JAK1: variants seen among roughly 807,000 people sequenced by gnomAD.
JAK1 encodes Janus kinase 1.
Under a neutral mutation model 136.6 loss-of-function variants are expected in JAK1, and 16 were observed. That is an observed-to-expected ratio of 0.12 (90% CI 0.08 to 0.18). The LOEUF is 0.18. Among genes scored for constraint, JAK1 ranks in the 10% least tolerant of loss-of-function variants. JAK1 has a pLI of 1.00. For synonymous variants in JAK1, 492 were observed against 519.5 expected, an observed-to-expected ratio of 0.95 and a Z score of 0.72; for missense variants, 859 against 1,450.1, an observed-to-expected ratio of 0.59 and a Z score of 6.62.
At chr1:64,941,315 G>GA (rs533407891) in intron 1 of JAK1, among the ~76,000 whole-genome samples, 1,883 of 149,298 alleles carry the variant, frequency 0.013, 15 homozygotes, top group Non-Finnish European at 0.018. Context: ...CCACATCTGG[G>GA]AAAAAAAAAA....
At chr1:64,851,199 T>C (rs1655569461) in intron 11 of JAK1, among the ~76,000 whole-genome samples, 1 of 152,222 alleles carries the variant, frequency 6.6e-6, no homozygotes, top group Non-Finnish European at 1.5e-5. Flanking sequence ...AGATCTGTTC[T>C]GGTAAGAAAG....
chr1:65,045,890 C>T (rs1405417536), intron 1 of JAK1, among the ~76,000 whole-genome samples: 2 of 152,232 alleles, frequency 1.3e-5, no homozygotes, highest in Non-Finnish European at 2.9e-5. Context: ...AACATAGCTT[C>T]AGATCCAAGC....
intron 2 of JAK1, among the ~76,000 whole-genome samples, chr1:64,986,548 AC>A (rs1369193471): frequency 6.6e-6 from 1 of 152,082 alleles, no homozygotes; most frequent in Non-Finnish European, 1.5e-5. Context: ...TAAAACTCTC[AC>A]CATTACAGCA....
intron 1 of JAK1, among the ~76,000 whole-genome samples, chr1:64,897,182 C>A (rs1001844651): frequency 6.6e-6 from 1 of 151,736 alleles, no homozygotes; most frequent in Admixed American, 6.6e-5. Flanking sequence ...GCAATCTCAG[C>A]CCTTTGGAAG....
At chr1:64,857,195 C>T (rs893493740) in intron 10 of JAK1, among the ~76,000 whole-genome samples, 2 of 152,138 alleles carry the variant, frequency 1.3e-5, no homozygotes, top group African/African-American at 4.8e-5. Context: ...TCTGAAGCTA[C>T]CATTTGGAAA....
chr1:64,838,670 A>C, intron 20 of JAK1, 81 bp from the exon 21 acceptor site: 1 of 1,463,502 alleles, frequency 6.8e-7, no homozygotes, highest in Non-Finnish European at 9.4e-7. Flanking sequence ...GATATGAGAC[A>C]GAGGCCCTGA....
intron 10 of JAK1, among the ~76,000 whole-genome samples, chr1:64,857,366 ATTGGTT>A (rs1656006264): frequency 2.0e-5 from 3 of 152,094 alleles, no homozygotes; most frequent in African/African-American, 7.2e-5. Flanking sequence ...TTGGGTGTGA[ATTGGTT>A]TTCTGGTCAT....
chr1:64,988,966 G>A (rs868107924), intron 2 of JAK1, among the ~76,000 whole-genome samples: 45 of 126,336 alleles, frequency 3.6e-4, no homozygotes, highest in African/African-American at 1.3e-3. Flanking sequence ...ATGTATGTAT[G>A]TATATATATA....
At position 64,879,048 on chromosome 1, in the gene JAK1, G is replaced by C; in HGVS notation, c.306C>G (p.Ser102=). ...ACCTCATCCGGTAGTGGAGCCGGAGGGACATCTTGTCATCAACGGTGATGG... is the reference window on the plus strand; with the variant it reads ...ACCTCATCCGGTAGTGGAGCCGGAGCGACATCTTGTCATCAACGGTGATGG... ...NRTITVDDKM[S]LRLHYRMRFY... Residue 102 remains serine (S), a synonymous_variant, in exon 4 of 25, where the codon TCC becomes TCG. Coordinates refer to ENST00000342505, the MANE Select transcript of JAK1 (RefSeq NM_002227.4). 6.2e-7 allele frequency: 1 copy of C among 1,614,024 alleles called. No individual in the cohort carries two copies. The highest frequency in any genetic ancestry group is 8.5e-7 in the Non-Finnish European group (1 of 1,179,978).
intron 1 of JAK1, among the ~76,000 whole-genome samples, chr1:64,888,147 C>T (rs1644880321): frequency 6.6e-6 from 1 of 152,108 alleles, no homozygotes; most frequent in Non-Finnish European, 1.5e-5. Context: ...CCATATAAAC[C>T]TTTTTAGAAC....
intron 17 of JAK1, among the ~76,000 whole-genome samples, chr1:64,843,371 T>A (rs992355458): frequency 6.6e-6 from 1 of 152,202 alleles, no homozygotes; most frequent in African/African-American, 2.4e-5. Context: ...TTTACTACTT[T>A]ACCCCTTTGG....
At chr1:64,914,359 G>A (rs1645355014) in intron 1 of JAK1, among the ~76,000 whole-genome samples, 1 of 152,168 alleles carries the variant, frequency 6.6e-6, no homozygotes, top group Admixed American at 6.5e-5. Flanking sequence ...AAAGGTTTAA[G>A]TTAAACAATG....
Position 65,058,838 on chromosome 1 carries a change from A to ACGGACTGTGCCTCC in JAK1, c.-181+8765_-181+8766insGGAGGCACAGTCCG, listed in dbSNP as rs1647664155. Among the ~76,000 whole-genome samples the ACGGACTGTGCCTCC allele has an allele frequency of 2.0e-5, 3 of 152,316 alleles. No homozygotes were observed. In the South Asian group the frequency reaches 6.2e-4, roughly 32 times the overall value. On this transcript the variant is annotated intron_variant, in intron 1 of 25. Transcript: ENST00000671954. Reference sequence around the variant, plus strand: ...GCTTATCTCTTCCATGCATGGATTCACTGACTGTGCCTCCCTGACCTCAAT... The same window carrying ACGGACTGTGCCTCC: ...GCTTATCTCTTCCATGCATGGATTCACGGACTGTGCCTCCCTGACTGTGCCTCCCTGACCTCAAT...
chr1:64,892,849 G>A (rs575651606), intron 1 of JAK1, among the ~76,000 whole-genome samples: 38 of 152,256 alleles, frequency 2.5e-4, no homozygotes, highest in Middle Eastern at 6.8e-3. Flanking sequence ...CTCTGCCTTG[G>A]GCAAGGTGTG....
chr1:64,977,906 C>T lies in JAK1; in HGVS notation c.-78+66574G>A, dbSNP rs376501510. Among the ~76,000 whole-genome samples the T allele has an allele frequency of 7.6e-5, 11 of 144,466 alleles. No individual in the cohort carries two copies. In the South Asian group the frequency reaches 1.7e-3, roughly 22 times the overall value. 94.8% of individuals were successfully genotyped at this position (144,466 alleles called of 152,430 possible). The stretch of plus-strand genomic sequence containing the variant: ...CCATAAGCTTTAATTTCATCGTCAT[C>T]GGTAAGTAAGGATGATACTAATGTC... On this transcript the variant is annotated intron_variant, in intron 2 of 25. Transcript: ENST00000671954.
chr1:65,039,024 T>C (rs941267976), intron 2 of JAK1, among the ~76,000 whole-genome samples: 3 of 151,822 alleles, frequency 2.0e-5, no homozygotes, highest in East Asian at 1.9e-4. Flanking sequence ...CTCAAACTCC[T>C]GGCCTCAAGC....
rs184330353 is a variant in JAK1 at position 65,012,842 on chromosome 1, C to A, written c.-78+31638G>T. On this transcript the variant is annotated intron_variant, in intron 2 of 25. Transcript: ENST00000671954. ...GGCACGGTGGCTCACACCTGTAATCCCAGCACTTGGGGAGGCCAAGGCAGG... is the reference window on the plus strand; with the variant it reads ...GGCACGGTGGCTCACACCTGTAATCACAGCACTTGGGGAGGCCAAGGCAGG... Among the ~76,000 whole-genome samples the A allele has an allele frequency of 1.4e-3, 207 of 151,556 alleles. 2 individuals carry two copies. The highest frequency in any genetic ancestry group is 4.7e-3 in the African/African-American group (194 of 41,298).
intron 1 of JAK1, chr1:65,058,618 C>T (rs1647654289): frequency 1.6e-5 from 7 of 433,964 alleles, no homozygotes; most frequent in Non-Finnish European, 1.9e-5. Flanking sequence ...TGGTTGGAGA[C>T]GTGAGGAGGC....
At chr1:65,061,274 G>A (rs1435806689) in intron 1 of JAK1, among the ~76,000 whole-genome samples, 1 of 151,916 alleles carries the variant, frequency 6.6e-6, no homozygotes, top group Non-Finnish European at 1.5e-5. Flanking sequence ...GTATGAGCAG[G>A]GCCAGTAGTC....
Sources: gnomAD v4.1 joint callset for allele counts (sites outside exome capture counted in the v4.1 genomes callset) on GRCh38, gnomAD v4.1.1 for gene constraint, MANE v1.5 for transcripts, NCBI Gene and HGNC (gene_info 2026-07-23, HGNC 2026-07-21) for gene names.